The following VPS13A variants were observed in gnomAD, a reference collection of about 807,000 sequenced individuals.
VPS13A encodes vacuolar protein sorting 13 homolog A, also known as intermembrane lipid transfer protein VPS13A.
A neutral mutation model predicts 390.9 loss-of-function variants in VPS13A; 264 were observed. The ratio of observed to expected loss-of-function variants is 0.68; its 90% CI spans 0.61 to 0.75. The LOEUF is 0.75. Ranked by LOEUF, VPS13A falls within the 30% of genes least tolerant of loss-of-function variation. The pLI, the probability that VPS13A is intolerant of heterozygous loss-of-function variation, is 0.00. For synonymous variants in VPS13A, 1,231 were observed against 1,227.1 expected, an observed-to-expected ratio of 1.00 and a Z score of -0.07; for missense variants, 3,409 against 3,733.9, an observed-to-expected ratio of 0.91 and a Z score of 2.27.
Position 77,327,419 on chromosome 9 carries a change from A to G in VPS13A, c.5991+4192A>G, listed in dbSNP as rs1830068370. On this transcript the variant is annotated intron_variant, in intron 45 of 71. Coordinates refer to ENST00000360280, the MANE Select transcript of VPS13A (RefSeq NM_033305.3). Reference sequence around the variant, plus strand: ...GTGTAGAAATATTTCTGTTGCTTCAAATGTATAGAGCAAATAGTTTTTCTA... The same window carrying G: ...GTGTAGAAATATTTCTGTTGCTTCAGATGTATAGAGCAAATAGTTTTTCTA... Among the ~76,000 whole-genome samples the G allele has an allele frequency of 2.6e-5, 4 of 152,132 alleles. No homozygotes were observed. In the South Asian group the frequency reaches 8.3e-4, roughly 31 times the overall value.
intron 68 of VPS13A, among the ~76,000 whole-genome samples, chr9:77,386,713 A>ATT (rs1267179835): frequency 5.0e-5 from 7 of 139,676 alleles, no homozygotes; most frequent in African/African-American, 1.6e-4. Context: ...TTTTTTTTTA[A>ATT]TTTTTTTTTT....
chr9:77,249,091 G>A (rs545316399), intron 20 of VPS13A, among the ~76,000 whole-genome samples: 29 of 152,292 alleles, frequency 1.9e-4, no homozygotes, highest in African/African-American at 5.5e-4. Context: ...ACTGGACAGC[G>A]TTGCTGTAAA....
chr9:77,304,469 A>G (rs55707116), intron 34 of VPS13A, among the ~76,000 whole-genome samples: 1 of 152,116 alleles, frequency 6.6e-6, no homozygotes, highest in African/African-American at 2.4e-5. Flanking sequence ...GACACAAATA[A>G]TAGGCATGGT....
chr9:77,366,928 C>T (rs969182841), intron 61 of VPS13A, 56 bp downstream of exon 61: 2 of 1,570,272 alleles, frequency 1.3e-6, no homozygotes, highest in Non-Finnish European at 1.7e-6. Context: ...TTTATATGTC[C>T]CTAAAAATTT....
At chr9:77,205,862 T>C in intron 4 of VPS13A, 116 bp from the exon 5 acceptor site, 1 of 733,822 alleles carries the variant, frequency 1.4e-6, no homozygotes, top group Admixed American at 2.6e-5. Context: ...AGTGCTGGGA[T>C]TACAGGCATG....
At chr9:77,302,368 CTTTT>C (rs58598132) in intron 33 of VPS13A, among the ~76,000 whole-genome samples, 2 of 117,816 alleles carry the variant, frequency 1.7e-5, no homozygotes, top group Non-Finnish European at 3.4e-5. Context: ...TATTTTTCCC[CTTTT>C]TTTTTTTTTT....
At chr9:77,290,880 A>G (rs1827612775) in intron 31 of VPS13A, among the ~76,000 whole-genome samples, 1 of 152,212 alleles carries the variant, frequency 6.6e-6, no homozygotes, top group South Asian at 2.1e-4. Context: ...AATCATAGTA[A>G]TTAAAATTAA....
At chr9:77,354,972 GTCC>G (rs1831687524) in intron 54 of VPS13A, among the ~76,000 whole-genome samples, 1 of 152,086 alleles carries the variant, frequency 6.6e-6, no homozygotes, top group South Asian at 2.1e-4. Context: ...TGTTCCAGCA[GTCC>G]TCTTCTTCAT....
In VPS13A at chr9:77,366,717, A is replaced by T. The variant is rs776064733; in HGVS notation, c.8326-10A>T. 6.2e-7 allele frequency: 1 copy of T among 1,603,538 alleles called. No individual in the cohort carries two copies. Among genetic ancestry groups the T allele is most frequent in the South Asian group, 1.1e-5 (1 of 89,522 alleles). On this transcript the variant is annotated splice_polypyrimidine_tract_variant and intron_variant, in intron 60 of 71. Transcript: ENST00000360280. ...AATACTTTTAAATATTTATCTCTTT[A>T]TCTTTTTAGTTACATTTAAGTGTTT...
chr9:77,220,105 C>T, intron 11 of VPS13A, 24 bp downstream of exon 11: 1 of 1,587,770 alleles, frequency 6.3e-7, no homozygotes, highest in Non-Finnish European at 8.6e-7. Flanking sequence ...ATATAATTTT[C>T]AATTGTGAAT....
chr9:77,262,092 A>G (rs933604647), intron 23 of VPS13A, among the ~76,000 whole-genome samples: 4 of 151,942 alleles, frequency 2.6e-5, no homozygotes, highest in East Asian at 1.9e-4. Context: ...TCTTTTTTCT[A>G]TTGGGTTATG....
chr9:77,338,072 CTCAAGTGA>C (rs1289530527), intron 47 of VPS13A: 1 of 152,498 alleles, frequency 6.6e-6, no homozygotes, highest in Non-Finnish European at 1.5e-5. Context: ...AACTTCTAGG[CTCAAGTGA>C]TCCTTCCACC....
At chr9:77,193,921 C>T (rs868671855) in intron 1 of VPS13A, among the ~76,000 whole-genome samples, 1 of 152,162 alleles carries the variant, frequency 6.6e-6, no homozygotes, top group South Asian at 2.1e-4. Flanking sequence ...CTCAGCACTC[C>T]TGGCATGCAT....
chr9:77,405,718 G>C (rs181432725), intron 69 of VPS13A, 146 bp from the exon 70 acceptor site: 3 of 1,084,918 alleles, frequency 2.8e-6, no homozygotes, highest in South Asian at 2.9e-5. Flanking sequence ...TATGGTTCCA[G>C]TTCTTTTAAA....
intron 1 of VPS13A, among the ~76,000 whole-genome samples, chr9:77,197,817 A>G (rs976585303): frequency 4.6e-5 from 7 of 152,342 alleles, no homozygotes; most frequent in Admixed American, 4.6e-4. Context: ...CAACCATCAG[A>G]AAGGAAAGGC....
At chr9:77,296,122 A>C (rs1384187877) in intron 33 of VPS13A, among the ~76,000 whole-genome samples, 3 of 152,212 alleles carry the variant, frequency 2.0e-5, no homozygotes, top group African/African-American at 4.8e-5. Flanking sequence ...TTTGTGGTTC[A>C]TTATAAATTA....
intron 19 of VPS13A, among the ~76,000 whole-genome samples, chr9:77,244,468 A>G (rs955526615): frequency 1.3e-5 from 2 of 152,034 alleles, no homozygotes; most frequent in Non-Finnish European, 1.5e-5. Context: ...AAAAATATTC[A>G]TGGGGCAATG....
At position 77,252,350 on chromosome 9, in the gene VPS13A, C is replaced by G. The variant is rs1056122983; in HGVS notation, c.2286C>G (p.Pro762=). 4 of 1,605,954 alleles carry G rather than the reference C, an allele frequency of 2.5e-6. No individual in the cohort carries two copies. Among genetic ancestry groups the G allele is most frequent in the Non-Finnish European group, 3.4e-6 (4 of 1,172,738 alleles). The change falls in exon 22 of 72, where the codon CCC becomes CCG. Residue 762 remains proline (P), a splice_region_variant and synonymous_variant. Coordinates refer to ENST00000360280, the MANE Select transcript of VPS13A (RefSeq NM_033305.3). ...KAMVFMDVRM[P]KFKIYGKLPL... ...TGGTTTTCATGGATGTAAGGATGCC[C>G]AAGTATGTACTGTTTGTTTCATGTG... is the stretch of plus-strand genomic sequence containing the variant.
chr9:77,287,575 A>C lies in VPS13A; in HGVS notation c.3339+3925A>C, dbSNP rs1827406512. On this transcript the variant is annotated intron_variant, in intron 31 of 71. Coordinates refer to ENST00000360280, the MANE Select transcript of VPS13A (RefSeq NM_033305.3). ...TAAATAGTAGTTAATCAGTAATATAAAACAATATTAGAGAGTGATATGTGC... is the reference window on the plus strand; with the variant it reads ...TAAATAGTAGTTAATCAGTAATATACAACAATATTAGAGAGTGATATGTGC... Among the ~76,000 whole-genome samples, 4 of 152,216 alleles carry C rather than the reference A, an allele frequency of 2.6e-5. No homozygotes were observed. In the South Asian group the frequency reaches 8.3e-4, roughly 32 times the overall value.
Sources: gnomAD v4.1 joint callset for allele counts (sites outside exome capture counted in the v4.1 genomes callset) on GRCh38, gnomAD v4.1.1 for gene constraint, MANE v1.5 for transcripts, NCBI Gene and HGNC (gene_info 2026-07-23, HGNC 2026-07-21) for gene names.